The following CCKBR variants were observed in gnomAD, a reference collection of about 807,000 sequenced individuals.
CCKBR encodes cholecystokinin B receptor, also known as gastrin/cholecystokinin type B receptor.
Under a neutral mutation model 34.6 loss-of-function variants are expected in CCKBR, and 33 were observed. That is an observed-to-expected ratio of 0.95 (90% CI 0.72 to 1.27). CCKBR has a LOEUF of 1.27. CCKBR is among the 50% of genes most tolerant of loss of function. The pLI, the probability that CCKBR is intolerant of heterozygous loss-of-function variation, is 0.00. For missense variants in CCKBR, 652 were observed against 617.4 expected, an observed-to-expected ratio of 1.06 and a Z score of -0.59; for synonymous variants, 269 against 267.5, an observed-to-expected ratio of 1.01 and a Z score of -0.06.
At chr11:6,270,548 A>G in intron 3 of CCKBR, 98 bp from the exon 4 acceptor site, 1 of 1,434,368 alleles carries the variant, frequency 7.0e-7, no homozygotes, top group Non-Finnish European at 9.5e-7. Context: ...TACTTCAGGT[A>G]CCTGGCCACA....
chr11:6,264,408 T>C, intron 1 of CCKBR: 1 of 600,546 alleles, frequency 1.7e-6, no homozygotes, highest in Non-Finnish European at 3.0e-6. Flanking sequence ...CCTTAGAAAG[T>C]CTTGGTTTTC....
At position 6,259,925 on chromosome 11, in the gene CCKBR, G is replaced by A. The variant is rs1365288475; in HGVS notation, c.-4G>A. 1 of 1,442,388 alleles carries A rather than the reference G, an allele frequency of 6.9e-7. No homozygotes were observed. Among genetic ancestry groups the A allele is most frequent in the African/African-American group, 1.5e-5 (1 of 66,238 alleles). The allele number at this position is 1,442,388 out of a possible 1,614,324, so 89.3% of individuals were successfully genotyped here. A position where few individuals can be genotyped will look rare whatever the true frequency, so the allele number is the denominator to read the frequency against. ...TGAGTAAGGCGGCGGGCTCGGCGGG[G>A]GCCATGGAGCTGCTAAAGCTGAACC... On this transcript the variant is annotated 5_prime_UTR_variant, in exon 1 of 5. Coordinates refer to ENST00000334619, the MANE Select transcript of CCKBR (RefSeq NM_176875.4).
intron 1 of CCKBR, among the ~76,000 whole-genome samples, chr11:6,262,686 A>AAGAGAGAGAGAGAGAGAGAGAG (rs57265861): frequency 1.3e-4 from 15 of 119,196 alleles, no homozygotes; most frequent in Non-Finnish European, 1.6e-4. Flanking sequence ...TAGGCAAAGA[A>AAGAGAGAGAGAGAGAGAGAGAG]AGAGAGAGAG....
chr11:6,270,267 G>T lies in CCKBR; in HGVS notation c.583G>T (p.Val195Leu). The T allele has an allele frequency of 6.2e-7, 1 of 1,613,266 alleles. No individual in the cohort carries two copies. The highest frequency in any genetic ancestry group is 8.5e-7 in the Non-Finnish European group (1 of 1,180,032). ...GGTGCCCTACCCCGTGTACACTGTC[G>T]TGCAACCAGTGGGGCCTCGTGTGCT... is the stretch of plus-strand genomic sequence containing the variant. ...LMVPYPVYTV[V>L]QPVGPRVLQC... The change falls in exon 3 of 5, where the codon GTG (valine) becomes TTG (leucine). Residue 195 changes from valine to leucine, a missense_variant. Transcript: ENST00000334619.
At chr11:6,261,454 A>AAAAAAAAAAAATAT (rs1447691939) in intron 1 of CCKBR, among the ~76,000 whole-genome samples, 1 of 60,894 alleles carries the variant, frequency 1.6e-5, no homozygotes, top group Non-Finnish European at 3.0e-5. Flanking sequence ...AAAAAAAAAA[A>AAAAAAAAAAAATAT]ATATATATAC....
At chr11:6,270,374 C>A in intron 3 of CCKBR, 37 bp downstream of exon 3, 1 of 1,592,414 alleles carries the variant, frequency 6.3e-7, no homozygotes, top group South Asian at 1.1e-5. Flanking sequence ...GAATTCCTTT[C>A]TCACCCCTAT....
At chr11:6,270,462 A>G (rs1472625277) in intron 3 of CCKBR, 125 bp downstream of exon 3, 1 of 1,421,608 alleles carries the variant, frequency 7.0e-7, no homozygotes, top group Admixed American at 2.0e-5. Context: ...TTCTGCATCC[A>G]CCACCCTGGA....
Position 6,259,838 on chromosome 11 carries a change from A to G in CCKBR, c.-91A>G. 8.9e-7 allele frequency: 1 copy of G among 1,128,740 alleles called. No individual in the cohort carries two copies. The highest frequency in any genetic ancestry group is 1.2e-6 in the Non-Finnish European group (1 of 848,210). 69.9% of individuals were successfully genotyped at this position (1,128,740 alleles called of 1,614,324 possible). A position where few individuals can be genotyped will look rare whatever the true frequency, so the allele number is the denominator to read the frequency against. On this transcript the variant is annotated 5_prime_UTR_variant, in exon 1 of 5. Coordinates refer to ENST00000334619, the MANE Select transcript of CCKBR (RefSeq NM_176875.4). The stretch of plus-strand genomic sequence containing the variant: ...GGGGCAGGGAGAGGAGGGCGGCGGG[A>G]GCCTGAGCCGGAATCGCAGCGTGAG...
At chr11:6,260,149 C>T in intron 1 of CCKBR, 70 bp downstream of exon 1, 1 of 1,166,166 alleles carries the variant, frequency 8.6e-7, no homozygotes, top group Non-Finnish European at 1.2e-6. Flanking sequence ...TAGAGTCCCC[C>T]CAACGAGCTC....
At chr11:6,260,543 C>T (rs754554061) in intron 1 of CCKBR, among the ~76,000 whole-genome samples, 6 of 152,148 alleles carry the variant, frequency 3.9e-5, no homozygotes, top group African/African-American at 7.2e-5. Context: ...AGCTTGAATG[C>T]GAAGCTGAAG....
At chr11:6,263,356 T>C (rs971944455) in intron 1 of CCKBR, among the ~76,000 whole-genome samples, 2 of 152,172 alleles carry the variant, frequency 1.3e-5, no homozygotes, top group African/African-American at 4.8e-5. Context: ...TCCCAGATAC[T>C]ACCCATAAAA....
chr11:6,262,151 G>A (rs1254418776), intron 1 of CCKBR, among the ~76,000 whole-genome samples: 2 of 152,164 alleles, frequency 1.3e-5, no homozygotes, highest in African/African-American at 4.8e-5. Context: ...AATGTTAGTG[G>A]GGCATCCAGG....
At chr11:6,268,509 C>G (rs1848241769) in intron 1 of CCKBR, among the ~76,000 whole-genome samples, 1 of 152,194 alleles carries the variant, frequency 6.6e-6, no homozygotes, top group Non-Finnish European at 1.5e-5. Context: ...GTCAGCCTCC[C>G]AGCCCCTCTG....
At position 6,259,885 on chromosome 11, in the gene CCKBR, C is replaced by G; in HGVS notation, c.-44C>G. ...TGAGCAGGTGGAGCCGCGTTGGGAG[C>G]CCGCCGGGTCGAGCTGAGTAAGGCG... On this transcript the variant is annotated 5_prime_UTR_variant, in exon 1 of 5. Coordinates refer to ENST00000334619, the MANE Select transcript of CCKBR (RefSeq NM_176875.4). The G allele has an allele frequency of 9.4e-6, 13 of 1,382,758 alleles. No individual in the cohort carries two copies. Among genetic ancestry groups the G allele is most frequent in the Non-Finnish European group, 1.2e-5 (13 of 1,069,204 alleles). The allele number at this position is 1,382,758 out of a possible 1,614,324, so 85.7% of individuals were successfully genotyped here.
intron 2 of CCKBR, 39 bp from the exon 3 acceptor site, chr11:6,270,049 T>C (rs1317836874): frequency 6.3e-7 from 1 of 1,587,996 alleles, no homozygotes; most frequent in South Asian, 1.2e-5. Flanking sequence ...GTAGTGCAAG[T>C]TTCCTAGGTG....
chr11:6,264,345 A>T, intron 1 of CCKBR: 2 of 570,614 alleles, frequency 3.5e-6, no homozygotes, highest in Non-Finnish European at 6.2e-6. Context: ...CAAACCTGCC[A>T]GTAGAATGCA....
At chr11:6,262,825 AT>A (rs1848157257) in intron 1 of CCKBR, among the ~76,000 whole-genome samples, 1 of 152,200 alleles carries the variant, frequency 6.6e-6, no homozygotes. Context: ...GTGTGCACGC[AT>A]TTTAAAACAA....
chr11:6,269,929 G>C lies in CCKBR; in HGVS notation c.403+9G>C, dbSNP rs1045402791. On this transcript the variant is annotated intron_variant, in intron 2 of 4. Transcript: ENST00000334619. The stretch of plus-strand genomic sequence containing the variant: ...GGTTTCCTACCTCATGGGTGGGTGA[G>C]ACAACCACCCCACCCCCACTTGCCA... 6 of 1,613,030 alleles carry C rather than the reference G, an allele frequency of 3.7e-6. No individual in the cohort carries two copies. The highest frequency in any genetic ancestry group is 1.3e-5 in the African/African-American group (1 of 74,892).
In CCKBR at chr11:6,260,214, C is replaced by T. The variant is rs1848109576; in HGVS notation, c.151+135C>T. 3.5e-5 allele frequency: 21 copies of T among 597,640 alleles called. No homozygotes were observed. The South Asian group carries it at 4.5e-4, about 13-fold the overall frequency. The allele number at this position is 597,640 out of a possible 1,614,324, so 37.0% of individuals were successfully genotyped here. A position where few individuals can be genotyped will look rare whatever the true frequency, so the allele number is the denominator to read the frequency against. On this transcript the variant is annotated intron_variant, in intron 1 of 4. Coordinates refer to ENST00000334619, the MANE Select transcript of CCKBR (RefSeq NM_176875.4). ...GCCTCTCATAGTACTCCCTCAGCCCCCAAACAGCTCCCCTCACACCTTCAC... is the reference window on the plus strand; with the variant it reads ...GCCTCTCATAGTACTCCCTCAGCCCTCAAACAGCTCCCCTCACACCTTCAC...
Sources: gnomAD v4.1 joint callset for allele counts (sites outside exome capture counted in the v4.1 genomes callset) on GRCh38, gnomAD v4.1.1 for gene constraint, MANE v1.5 for transcripts, NCBI Gene and HGNC (gene_info 2026-07-23, HGNC 2026-07-21) for gene names.